Variants in BTBD1 observed in about 807,000 individuals in gnomAD.
BTBD1 encodes the protein BTB domain containing 1, also known as BTB/POZ domain-containing protein 1.
A neutral mutation model predicts 48.0 loss-of-function variants in BTBD1; 34 were observed. That is an observed-to-expected ratio of 0.71 (90% CI 0.54 to 0.94). The LOEUF (loss-of-function observed/expected upper bound fraction) is 0.94, where lower values mean the gene tolerates loss of function less well. BTBD1 is among the 40% of genes least tolerant of loss of function. BTBD1 has a pLI of 0.00. For missense variants in BTBD1, 543 were observed against 625.6 expected (o/e 0.87, Z 1.41); for synonymous variants, 261 against 242.1 (o/e 1.08, Z -0.72).
Position 83,041,726 on chromosome 15 carries a change from A to T in BTBD1, c.862+2T>A. On this transcript the variant is annotated splice_donor_variant, in intron 4 of 7. Coordinates refer to ENST00000261721, the MANE Select transcript of BTBD1 (RefSeq NM_025238.4). LOFTEE classifies it high-confidence loss of function. ...TAGATTTTGGTGAATTTATACCCTT[A>T]CCTGCTGCAAATTCCTCAATTGTCA... is the stretch of plus-strand genomic sequence containing the variant. The T allele has an allele frequency of 6.2e-7, 1 of 1,613,714 alleles. No homozygotes were observed.
At chr15:83,031,938 GTGAA>G (rs2067239958) in intron 4 of BTBD1, among the ~76,000 whole-genome samples, 1 of 152,184 alleles carries the variant, frequency 6.6e-6, no homozygotes, top group Admixed American at 6.5e-5. Flanking sequence ...AGATGTTGGC[GTGAA>G]TATGGTGAAA....
intron 4 of BTBD1, among the ~76,000 whole-genome samples, chr15:83,031,355 G>A (rs975159069): frequency 2.0e-5 from 3 of 152,150 alleles, no homozygotes; most frequent in South Asian, 2.1e-4. Flanking sequence ...CATATCCTTC[G>A]CCCAGCAGAC....
chr15:83,048,487 G>C lies in BTBD1; in HGVS notation c.664+1586C>G, dbSNP rs2032921065. Among the ~76,000 whole-genome samples, 2 of 152,116 alleles carry C rather than the reference G, an allele frequency of 1.3e-5. 1 individual carries two copies. The highest frequency in any genetic ancestry group is 1.3e-4 in the Admixed American group (2 of 15,262). ...ATTAGATCTCTCTACTCTCCTACAA[G>C]ACAAAAGGTACATTGTTAGCCTATC... On this transcript the variant is annotated intron_variant, in intron 3 of 7. Coordinates refer to ENST00000261721, the MANE Select transcript of BTBD1 (RefSeq NM_025238.4).
chr15:83,053,447 T>C (rs1039117281), intron 2 of BTBD1, among the ~76,000 whole-genome samples: 53 of 152,262 alleles, frequency 3.5e-4, no homozygotes, highest in African/African-American at 1.2e-3. Flanking sequence ...CTACCCAACA[T>C]GTACTCCAGA....
At chr15:83,055,221 G>A (rs535910537) in intron 2 of BTBD1, among the ~76,000 whole-genome samples, 1 of 152,190 alleles carries the variant, frequency 6.6e-6, no homozygotes, top group East Asian at 1.9e-4. Context: ...AGTTGTGTTC[G>A]GTTTGTAAAA....
In BTBD1 at chr15:83,030,148, C is replaced by G. The variant is rs1490825334; in HGVS notation, c.1043G>C (p.Ser348Thr). ...VESRWGYSGT[S>T]DRIRFTVNRR... is the part of the protein sequence containing the mutation. ...ATATAACAGATACCTGATTCGATCA[C>G]TCGTCCCACTGTAACCCCAGCGGCT... Residue 348 changes from serine (S) to threonine (T), a missense_variant, in exon 5 of 8, where the codon AGT becomes ACT. By Grantham distance (58) the Ser-to-Thr change is moderately conservative. Coordinates refer to ENST00000261721, the MANE Select transcript of BTBD1 (RefSeq NM_025238.4). The G allele has an allele frequency of 1.2e-6, 2 of 1,614,040 alleles. No homozygotes were observed.
intron 5 of BTBD1, among the ~76,000 whole-genome samples, chr15:83,027,779 A>C (rs2032437802): frequency 6.6e-6 from 1 of 152,222 alleles, no homozygotes; most frequent in African/African-American, 2.4e-5. Context: ...CTTTAAAGAA[A>C]ACGTAAGTGG....
intron 3 of BTBD1, among the ~76,000 whole-genome samples, 192 bp downstream of exon 3, chr15:83,049,881 T>C (rs1436754792): frequency 2.0e-5 from 3 of 152,252 alleles, no homozygotes; most frequent in Admixed American, 6.5e-5. Context: ...ATTTGAAATC[T>C]TTTAACAGGC....
At chr15:83,045,887 A>G (rs1000319730) in intron 3 of BTBD1, among the ~76,000 whole-genome samples, 2 of 152,182 alleles carry the variant, frequency 1.3e-5, no homozygotes, top group African/African-American at 2.4e-5. Context: ...TAAAAAAAAA[A>G]GCACATCATA....
chr15:83,063,775 C>G (rs887012393), intron 1 of BTBD1, among the ~76,000 whole-genome samples: 3 of 152,236 alleles, frequency 2.0e-5, no homozygotes, highest in African/African-American at 7.2e-5. Context: ...GCTTAAGGCA[C>G]ACTGGTTCAC....
intron 3 of BTBD1, among the ~76,000 whole-genome samples, chr15:83,043,419 T>G (rs2032807602): frequency 6.6e-6 from 1 of 152,102 alleles, no homozygotes; most frequent in Non-Finnish European, 1.5e-5. Context: ...CTGTAGATCA[T>G]TTGGCTTTTA....
intron 2 of BTBD1, among the ~76,000 whole-genome samples, chr15:83,055,069 G>C (rs2033060082): frequency 6.6e-6 from 1 of 151,970 alleles, no homozygotes; most frequent in South Asian, 2.1e-4. Flanking sequence ...TATCACCTTA[G>C]AATTTTAAAA....
At chr15:83,052,791 C>T (rs55727733) in intron 2 of BTBD1, among the ~76,000 whole-genome samples, 1,172 of 116,160 alleles carry the variant, frequency 0.01, 15 homozygotes, top group African/African-American at 0.036. Context: ...CCACCTCGCC[C>T]GGCTAATTTT....
chr15:83,025,831 GTGGTCT>G (rs1187491913), intron 5 of BTBD1, among the ~76,000 whole-genome samples: 1 of 151,802 alleles, frequency 6.6e-6, no homozygotes, highest in Non-Finnish European at 1.5e-5. Context: ...GTGCAGTGGC[GTGGTCT>G]TGGCTCACTG....
rs377427080 is a variant in BTBD1, at chr15:83,020,847, T to C, written c.1056-85A>G. The C allele has an allele frequency of 3.3e-3, 2,493 of 755,200 alleles. 64 individuals are homozygous for C. The South Asian group carries it at 0.045, about 14-fold the overall frequency. 46.8% of individuals were successfully genotyped at this position (755,200 alleles called of 1,614,324 possible). A position where few individuals can be genotyped will look rare whatever the true frequency, so the allele number is the denominator to read the frequency against. ...GTTATAATTTTTTTTAAGTGTAACC[T>C]GGAACATCCAGTTTTGCTTATAAAA... On this transcript the variant is annotated intron_variant, in intron 5 of 7. Transcript: ENST00000261721.
At chr15:83,042,024 C>T in intron 3 of BTBD1, 99 bp from the exon 4 acceptor site, 1 of 963,496 alleles carries the variant, frequency 1.0e-6, no homozygotes, top group South Asian at 1.5e-5. Context: ...CAGATCTCAA[C>T]AAAAAATAGG....
At position 83,067,036 on chromosome 15, in the gene BTBD1, G is replaced by A. The variant is rs762298482; in HGVS notation, c.116C>T (p.Pro39Leu). ...GTTGTAGAGAGGTTCCCGCTGCAGGGGGAGCAGGGGCCCCAGAGAGGACGG... is the reference window on the plus strand; with the variant it reads ...GTTGTAGAGAGGTTCCCGCTGCAGGAGGAGCAGGGGCCCCAGAGAGGACGG... ...PSPSSLGPLLPLQREPLYNWQ... is the reference protein window; with the variant it reads ...PSPSSLGPLLLLQREPLYNWQ... The change falls in exon 1 of 8, where the codon CCC (proline) becomes CTC (leucine). Residue 39 changes from proline (P) to leucine (L), a missense_variant. Pro to Leu is a moderately conservative substitution (Grantham distance 98). Around this residue, in one of 3 missense-constraint regions of BTBD1, gnomAD observed 173 missense variants for 163.9 expected, o/e 1.06. Coordinates refer to ENST00000261721, the MANE Select transcript of BTBD1 (RefSeq NM_025238.4). The A allele has an allele frequency of 6.3e-7, 1 of 1,582,266 alleles. No individual in the cohort carries two copies. The highest frequency in any genetic ancestry group is 1.1e-5 in the South Asian group (1 of 88,466).
At position 83,054,594 on chromosome 15, in the gene BTBD1, G is replaced by A. The variant is rs529454921; in HGVS notation, c.558+1795C>T. Among the ~76,000 whole-genome samples the A allele has an allele frequency of 1.5e-4, 21 of 137,072 alleles. No individual in the cohort carries two copies. The East Asian group carries it at 3.9e-3, about 25-fold the overall frequency. The allele number at this position is 137,072 out of a possible 152,430, so 89.9% of individuals were successfully genotyped here. A position where few individuals can be genotyped will look rare whatever the true frequency, so the allele number is the denominator to read the frequency against. The stretch of plus-strand genomic sequence containing the variant: ...TTTTTTTTTTTTGAGACAGAGTTTC[G>A]CTCTGTCGCCAGGCTGGAAGGCAGT... On this transcript the variant is annotated intron_variant, in intron 2 of 7. Coordinates refer to ENST00000261721, the MANE Select transcript of BTBD1 (RefSeq NM_025238.4).
chr15:83,034,227 G>T (rs2032582954), intron 4 of BTBD1, among the ~76,000 whole-genome samples: 2 of 151,970 alleles, frequency 1.3e-5, no homozygotes, highest in Non-Finnish European at 2.9e-5. Context: ...GCTTACAAGA[G>T]ACATGGTCAA....
Sources: gnomAD v4.1 joint callset for allele counts (sites outside exome capture counted in the v4.1 genomes callset) on GRCh38, gnomAD v4.1.1 for gene constraint, gnomAD v4.1.1 regional missense constraint, MANE v1.5 for transcripts, NCBI Gene and HGNC (gene_info 2026-07-23, HGNC 2026-07-21) for gene names.